Variants in HIF1A observed in about 807,000 individuals in gnomAD.
HIF1A encodes the protein hypoxia-inducible factor 1-alpha.
HIF1A carries 24 observed loss-of-function variants against 92.7 expected under a neutral mutation model. The observed-to-expected ratio is 0.26, with a 90% CI of 0.19 to 0.36. The LOEUF (loss-of-function observed/expected upper bound fraction) is 0.36. Ranked by LOEUF, HIF1A falls within the 10% of genes least tolerant of loss-of-function variation. HIF1A has a pLI of 1.00. For missense variants in HIF1A, 799 were observed against 998.5 expected, an observed-to-expected ratio of 0.80 and a Z score of 2.69; for synonymous variants, 319 against 338.7, an observed-to-expected ratio of 0.94 and a Z score of 0.64.
intron 12 of HIF1A, among the ~76,000 whole-genome samples, chr14:61,743,158 G>A (rs544280568): frequency 1.4e-4 from 21 of 152,128 alleles, no homozygotes; most frequent in Admixed American, 3.3e-4. Flanking sequence ...CGCAACTGCC[G>A]CCTCGCTGGT....
At chr14:61,704,935 G>C (rs1272832661) in intron 1 of HIF1A, among the ~76,000 whole-genome samples, 2 of 152,050 alleles carry the variant, frequency 1.3e-5, no homozygotes, top group Non-Finnish European at 2.9e-5. Flanking sequence ...GCACTTTAAA[G>C]TTTGAGGTTC....
intron 1 of HIF1A, among the ~76,000 whole-genome samples, chr14:61,707,561 G>GT (rs1190474162): frequency 6.6e-6 from 1 of 151,888 alleles, no homozygotes; most frequent in South Asian, 2.1e-4. Flanking sequence ...GCGGTGTTTG[G>GT]TTTTTTGTCC....
intron 1 of HIF1A, among the ~76,000 whole-genome samples, chr14:61,719,813 T>C (rs572152087): frequency 9.2e-5 from 14 of 152,368 alleles, no homozygotes; most frequent in African/African-American, 3.4e-4. Context: ...CAACCTGCAC[T>C]GGCTTATAGC....
intron 14 of HIF1A, among the ~76,000 whole-genome samples, chr14:61,746,092 C>T (rs889357209): frequency 6.6e-6 from 1 of 151,704 alleles, no homozygotes; most frequent in Non-Finnish European, 1.5e-5. Flanking sequence ...GGCGTGGTGG[C>T]GGGCGCCTGT....
chr14:61,739,953 TTTC>T (rs2044686223), intron 10 of HIF1A: 1 of 152,160 alleles, frequency 6.6e-6, no homozygotes, highest in East Asian at 1.9e-4. Context: ...GAATAAGGTG[TTTC>T]TTTTCATCTC....
chr14:61,742,864 G>A lies in HIF1A; in HGVS notation c.2093+1676G>A, dbSNP rs537897415. ...CGTGCCATTGCACTCCAGCCTGGGC[G>A]AGAAGAGTGAAACTCGGTTTCAAAA... is the stretch of plus-strand genomic sequence containing the variant. On this transcript the variant is annotated intron_variant, in intron 12 of 14. Transcript: ENST00000337138. Among the ~76,000 whole-genome samples the A allele has an allele frequency of 8.3e-5, 10 of 120,864 alleles. No homozygotes were observed. In the South Asian group the frequency reaches 1.4e-3, roughly 17 times the overall value. The allele number at this position is 120,864 out of a possible 152,430, so 79.3% of individuals were successfully genotyped here.
At chr14:61,734,612 C>A (rs2044614809) in intron 8 of HIF1A, among the ~76,000 whole-genome samples, 1 of 152,146 alleles carries the variant, frequency 6.6e-6, no homozygotes, top group Non-Finnish European at 1.5e-5. Context: ...CAGCTGTGTT[C>A]TTTTTGTAGG....
intron 7 of HIF1A, among the ~76,000 whole-genome samples, chr14:61,732,996 C>G (rs538297870): frequency 6.6e-6 from 1 of 152,296 alleles, no homozygotes; most frequent in African/African-American, 2.4e-5. Flanking sequence ...GCATGCAGTG[C>G]ATAAGGATAA....
chr14:61,713,722 G>C (rs574606705), intron 1 of HIF1A, among the ~76,000 whole-genome samples: 3 of 152,130 alleles, frequency 2.0e-5, no homozygotes, highest in Non-Finnish European at 4.4e-5. Context: ...ATGTTTCCCT[G>C]AGTTCTGTGA....
At chr14:61,716,683 A>C (rs1203870095) in intron 1 of HIF1A, among the ~76,000 whole-genome samples, 1 of 152,200 alleles carries the variant, frequency 6.6e-6, no homozygotes, top group Non-Finnish European at 1.5e-5. Context: ...ATTCTCTATA[A>C]AACAACTCTT....
At chr14:61,740,483 G>A (rs772897365) in intron 10 of HIF1A, 22 bp from the exon 11 acceptor site, 1 of 1,531,306 alleles carries the variant, frequency 6.5e-7, no homozygotes, top group Admixed American at 2.1e-5. Flanking sequence ...TCAGGAAATA[G>A]TAAACATATT....
intron 6 of HIF1A, among the ~76,000 whole-genome samples, chr14:61,729,410 C>G (rs887728189): frequency 5.3e-5 from 8 of 150,812 alleles, no homozygotes; most frequent in Non-Finnish European, 1.0e-4. Context: ...TGCAGTGAAC[C>G]AAGCTTGCAC....
rs1349444864 is a variant in HIF1A at position 61,745,727 on chromosome 14, A to G, written c.2239A>G (p.Thr747Ala). 1.2e-6 allele frequency: 2 copies of G among 1,612,134 alleles called. No homozygotes were observed. Among genetic ancestry groups the G allele is most frequent in the South Asian group, 2.2e-5 (2 of 91,046 alleles). Residue 747 changes from threonine to alanine, a missense_variant, in exon 14 of 15, where the codon ACT becomes GCT. Transcript: ENST00000337138. ...LLQQPDDHAATTSLSWKRVKG... is the reference protein window; with the variant it reads ...LLQQPDDHAAATSLSWKRVKG... Reference sequence around the variant, plus strand: ...ACAGCAGCCAGACGATCATGCAGCTACTACATCACTTTCTTGGAAACGTGT... The same window carrying G: ...ACAGCAGCCAGACGATCATGCAGCTGCTACATCACTTTCTTGGAAACGTGT...
At chr14:61,737,567 G>A (rs906814357) in intron 9 of HIF1A, among the ~76,000 whole-genome samples, 7 of 152,192 alleles carry the variant, frequency 4.6e-5, no homozygotes, top group African/African-American at 1.7e-4. Flanking sequence ...TTATGCCATA[G>A]AGATTAAGAC....
chr14:61,718,916 ATGCTT>A lies in HIF1A; in HGVS notation c.36-1465_36-1461del, dbSNP rs541114885. Among the ~76,000 whole-genome samples the A allele has an allele frequency of 5.1e-3, 778 of 152,356 alleles. 6 individuals carry two copies. Among genetic ancestry groups the A allele is most frequent in the African/African-American group, 0.018 (730 of 41,580 alleles). ...AATTTTTCTATCAAAGTTCAATAAC[ATGCTT>A]ACATTCCTTATTAAAGTATAAAAGT... On this transcript the variant is annotated intron_variant, in intron 1 of 14. Transcript: ENST00000337138.
chr14:61,725,122 C>T (rs2044487422), intron 4 of HIF1A, among the ~76,000 whole-genome samples: 1 of 152,166 alleles, frequency 6.6e-6, no homozygotes, highest in African/African-American at 2.4e-5. Context: ...TCTAATGTCT[C>T]TTTTTCTAAG....
chr14:61,711,644 G>A (rs150451585), intron 1 of HIF1A, among the ~76,000 whole-genome samples: 1 of 152,168 alleles, frequency 6.6e-6, no homozygotes, highest in East Asian at 1.9e-4. Context: ...ATTGATAGCT[G>A]TTTTTTTCTA....
At chr14:61,712,171 C>G (rs983411272) in intron 1 of HIF1A, among the ~76,000 whole-genome samples, 5 of 152,120 alleles carry the variant, frequency 3.3e-5, no homozygotes, top group African/African-American at 1.2e-4. Flanking sequence ...GAGGGTGAGA[C>G]TGCGACAAAG....
chr14:61,720,572 G>C lies in HIF1A; in HGVS notation c.226G>C (p.Gly76Arg). The change falls in exon 2 of 15, where the codon GGT becomes CGT. Residue 76 changes from glycine to arginine, a missense_variant and splice_region_variant. Around this residue, in one of 2 missense-constraint regions of HIF1A, gnomAD observed 516 missense variants for 721.0 expected, o/e 0.72. Transcript: ENST00000337138. ...YLRVRKLLDA[G>R]DLDIEDDMKA... ...GCGTGTGAGGAAACTTCTGGATGCTGGTGAGTTATTTTACAAGGGTATAAA... is the reference window on the plus strand; with the variant it reads ...GCGTGTGAGGAAACTTCTGGATGCTCGTGAGTTATTTTACAAGGGTATAAA... 1 of 1,585,326 alleles carries C rather than the reference G, an allele frequency of 6.3e-7. No homozygotes were observed. The highest frequency in any genetic ancestry group is 8.6e-7 in the Non-Finnish European group (1 of 1,165,838).
Sources: gnomAD v4.1 joint callset for allele counts (sites outside exome capture counted in the v4.1 genomes callset) on GRCh38, gnomAD v4.1.1 for gene constraint, gnomAD v4.1.1 regional missense constraint, MANE v1.5 for transcripts, NCBI Gene and HGNC (gene_info 2026-07-23, HGNC 2026-07-21) for gene names.